SLC2A14: variants seen among roughly 807,000 people sequenced by gnomAD.
The protein encoded by SLC2A14 is solute carrier family 2 member 14, also known as solute carrier family 2, facilitated glucose transporter member 14.
A neutral mutation model predicts 43.0 loss-of-function variants in SLC2A14; 13 were observed. The observed-to-expected ratio is 0.30, with a 90% CI of 0.20 to 0.48. The LOEUF (loss-of-function observed/expected upper bound fraction) is 0.48, where lower values mean the gene tolerates loss of function less well. Among genes scored for constraint, SLC2A14 ranks in the 20% least tolerant of loss-of-function variants. SLC2A14 has a pLI of 0.99. For missense variants in SLC2A14, 428 were observed against 620.4 expected (o/e 0.69, Z 3.29); for synonymous variants, 190 against 233.8 (o/e 0.81, Z 1.71).
intron 2 of SLC2A14, among the ~76,000 whole-genome samples, chr12:7,855,804 T>C (rs986602302): frequency 3.3e-5 from 5 of 151,756 alleles, no homozygotes; most frequent in Non-Finnish European, 7.4e-5. Flanking sequence ...GCCCGGCTAA[T>C]TTTTGTATTT....
intron 2 of SLC2A14, among the ~76,000 whole-genome samples, chr12:7,861,346 A>G (rs760954004): frequency 6.6e-6 from 1 of 152,092 alleles, no homozygotes; most frequent in Non-Finnish European, 1.5e-5. Context: ...AAATTTTTTT[A>G]TGTTTAAGTA....
In SLC2A14 at chr12:7,826,887, T is replaced by TTC. The variant is rs1220886127; in HGVS notation, c.864+606_864+607dup. On this transcript the variant is annotated intron_variant, in intron 7 of 10. Coordinates refer to ENST00000431042, the MANE Select transcript of SLC2A14 (RefSeq NM_001286234.2). ...TTTCTTTCTTTCTTTCTTTCTTTCT[T>TTC]TCTTTCTTTCTTTCTTTCTTTCTTT... 1.5e-4 allele frequency among the ~76,000 whole-genome samples: 11 copies of TTC among 71,878 alleles called. 1 individual carries two copies. Among genetic ancestry groups the TTC allele is most frequent in the Non-Finnish European group, 3.0e-4 (11 of 36,484 alleles). 47.2% of individuals were successfully genotyped at this position (71,878 alleles called of 152,430 possible).
chr12:7,833,519 C>T (rs1397433446), intron 2 of SLC2A14, among the ~76,000 whole-genome samples: 1 of 152,220 alleles, frequency 6.6e-6, no homozygotes, highest in Non-Finnish European at 1.5e-5. Context: ...GTCATCCCAG[C>T]ACTTTGGGAG....
At chr12:7,835,355 C>A (rs1437763919) in intron 2 of SLC2A14, among the ~76,000 whole-genome samples, 1 of 152,136 alleles carries the variant, frequency 6.6e-6, no homozygotes, top group African/African-American at 2.4e-5. Context: ...TCACTGCACT[C>A]CAGCCTGGGT....
intron 1 of SLC2A14, among the ~76,000 whole-genome samples, chr12:7,881,264 G>T (rs1945565318): frequency 6.6e-6 from 1 of 152,134 alleles, no homozygotes; most frequent in Admixed American, 6.5e-5. Flanking sequence ...CCCTCAGCTT[G>T]CGGGAGGTGT....
intron 10 of SLC2A14, 146 bp from the exon 11 acceptor site, chr12:7,814,680 A>G (rs1015796380): frequency 2.1e-6 from 2 of 944,896 alleles, no homozygotes; most frequent in African/African-American, 3.3e-5. Flanking sequence ...TCAGAGATTT[A>G]CTTATGATTC....
At chr12:7,858,819 A>G (rs1332809975) in intron 2 of SLC2A14, among the ~76,000 whole-genome samples, 2 of 152,148 alleles carry the variant, frequency 1.3e-5, no homozygotes, top group Non-Finnish European at 2.9e-5. Flanking sequence ...AATTTTGAAT[A>G]TATCCAATAT....
intron 2 of SLC2A14, among the ~76,000 whole-genome samples, chr12:7,834,302 C>A (rs1865265305): frequency 6.6e-6 from 1 of 151,600 alleles, no homozygotes. Flanking sequence ...GTCTCAAACT[C>A]CCAGCCTCAA....
chr12:7,824,164 G>A (rs1256587261), intron 7 of SLC2A14, among the ~76,000 whole-genome samples: 3 of 151,978 alleles, frequency 2.0e-5, no homozygotes, highest in Non-Finnish European at 4.4e-5. Flanking sequence ...GCTGAGACAG[G>A]AGAATTGCTT....
chr12:7,826,880 TC>T lies in SLC2A14; in HGVS notation c.864+614del, dbSNP rs1275386147. 4.6e-3 allele frequency among the ~76,000 whole-genome samples: 305 copies of T among 66,146 alleles called. 17 individuals carry two copies. Among genetic ancestry groups the T allele is most frequent in the Middle Eastern group, 0.013 (2 of 154 alleles). The allele number at this position is 66,146 out of a possible 152,430, so 43.4% of individuals were successfully genotyped here. On this transcript the variant is annotated intron_variant, in intron 7 of 10. Coordinates refer to ENST00000431042, the MANE Select transcript of SLC2A14 (RefSeq NM_001286234.2). Reference sequence around the variant, plus strand: ...TTTCTTTTTTCTTTCTTTCTTTCTTTCTTTCTTTCTTTCTTTCTTTCTTTCT... The same window carrying T: ...TTTCTTTTTTCTTTCTTTCTTTCTTTTTTCTTTCTTTCTTTCTTTCTTTCT...
At chr12:7,887,476 C>G (rs1013170646) in intron 1 of SLC2A14, among the ~76,000 whole-genome samples, 1 of 151,854 alleles carries the variant, frequency 6.6e-6, no homozygotes, top group Non-Finnish European at 1.5e-5. Context: ...GGGTTGCAGA[C>G]AAGACAATAA....
At chr12:7,862,732 G>A (rs1172409987) in intron 2 of SLC2A14, among the ~76,000 whole-genome samples, 1 of 152,128 alleles carries the variant, frequency 6.6e-6, no homozygotes, top group African/African-American at 2.4e-5. Flanking sequence ...TCTAGCTCAA[G>A]GTTTGTAAAT....
At chr12:7,846,109 A>C (rs1174901402) in intron 2 of SLC2A14, among the ~76,000 whole-genome samples, 2 of 151,904 alleles carry the variant, frequency 1.3e-5, no homozygotes, top group Admixed American at 1.3e-4. Flanking sequence ...AAAAAGAAAG[A>C]AAGAAAGAAA....
chr12:7,890,512 G>GT (rs66771265), intron 1 of SLC2A14, among the ~76,000 whole-genome samples: 48,656 of 151,574 alleles, frequency 0.32, 8,042 homozygotes, highest in African/African-American at 0.4. Context: ...CATTATAATT[G>GT]TTTTTTTGGT....
At chr12:7,836,057 C>T (rs997927010) in intron 2 of SLC2A14, among the ~76,000 whole-genome samples, 3 of 152,120 alleles carry the variant, frequency 2.0e-5, no homozygotes, top group Non-Finnish European at 2.9e-5. Flanking sequence ...CTTCCTCTTT[C>T]CTCTCCCTTC....
chr12:7,889,130 G>A (rs1387467263), intron 1 of SLC2A14, among the ~76,000 whole-genome samples: 1 of 151,890 alleles, frequency 6.6e-6, no homozygotes, highest in Non-Finnish European at 1.5e-5. Context: ...AATAATTCAG[G>A]GCAAGTCCAC....
chr12:7,820,944 G>A, intron 8 of SLC2A14, among the ~76,000 whole-genome samples: 1 of 151,830 alleles, frequency 6.6e-6, no homozygotes, highest in East Asian at 1.9e-4. Context: ...AAAATGAGTT[G>A]GGCGTGGTGG....
At chr12:7,869,086 G>A (rs1592308841) in intron 2 of SLC2A14, among the ~76,000 whole-genome samples, 1 of 151,364 alleles carries the variant, frequency 6.6e-6, no homozygotes, top group East Asian at 1.9e-4. Flanking sequence ...GGAGGTTGCG[G>A]TGAGCCGAGA....
intron 2 of SLC2A14, among the ~76,000 whole-genome samples, chr12:7,853,700 A>G (rs1216625094): frequency 6.6e-6 from 1 of 152,152 alleles, no homozygotes; most frequent in Non-Finnish European, 1.5e-5. Context: ...TTTGTATATG[A>G]TTATTCTGGT....
Sources: allele counts gnomAD v4.1 joint callset (sites outside exome capture counted in the v4.1 genomes callset), GRCh38; gene constraint gnomAD v4.1.1; transcripts MANE v1.5; gene names NCBI Gene and HGNC (gene_info 2026-07-23, HGNC 2026-07-21).